The following GABRB3 variants were observed in gnomAD, a reference collection of about 807,000 sequenced individuals.
The protein encoded by GABRB3 is gamma-aminobutyric acid type A receptor subunit beta3.
GABRB3 carries 14 observed loss-of-function variants against 52.1 expected under a neutral mutation model. That is an observed-to-expected ratio of 0.27 (90% CI 0.18 to 0.42). GABRB3 has a LOEUF of 0.42. GABRB3 is among the 10% of genes least tolerant of loss of function. The pLI, the probability that GABRB3 is intolerant of heterozygous loss-of-function variation, is 1.00. For synonymous variants in GABRB3, 260 were observed against 232.3 expected (o/e 1.12, Z -1.08); for missense variants, 307 against 609.1 (o/e 0.50, Z 5.22).
At chr15:26,722,501 T>C (rs1889668144) in intron 3 of GABRB3, among the ~76,000 whole-genome samples, 1 of 152,202 alleles carries the variant, frequency 6.6e-6, no homozygotes, top group South Asian at 2.1e-4. Flanking sequence ...CTTCTCACCT[T>C]CATTTCTTCT....
chr15:26,672,176 G>A (rs1024125918), intron 3 of GABRB3, among the ~76,000 whole-genome samples: 2 of 152,126 alleles, frequency 1.3e-5, no homozygotes, highest in Non-Finnish European at 2.9e-5. Context: ...ATTATTTTGA[G>A]CTGAAGACAT....
chr15:26,640,856 G>A (rs1893181930), intron 3 of GABRB3, among the ~76,000 whole-genome samples: 1 of 152,192 alleles, frequency 6.6e-6, no homozygotes, highest in Non-Finnish European at 1.5e-5. Context: ...CATAACCAGA[G>A]ATGTCAATTC....
Position 26,545,248 on chromosome 15 carries a change from C to T in GABRB3, c.*2545G>A, listed in dbSNP as rs1300477904. 1 of 151,534 alleles carries T rather than the reference C, an allele frequency of 6.6e-6. No homozygotes were observed. The highest frequency in any genetic ancestry group is 1.9e-4 in the East Asian group (1 of 5,158). The allele number at this position is 151,534 out of a possible 1,614,324, so 9.4% of individuals were successfully genotyped here. A position where few individuals can be genotyped will look rare whatever the true frequency, so the allele number is the denominator to read the frequency against. Reference sequence around the variant, plus strand: ...GTTACAAACACTATTTATAGTATAGCTAATATGTTAACTTCATCGCAGTGT... The same window carrying T: ...GTTACAAACACTATTTATAGTATAGTTAATATGTTAACTTCATCGCAGTGT... On this transcript the variant is annotated 3_prime_UTR_variant, in exon 9 of 9. Coordinates refer to ENST00000311550, the MANE Select transcript of GABRB3 (RefSeq NM_000814.6).
intron 3 of GABRB3, among the ~76,000 whole-genome samples, chr15:26,704,747 C>T (rs1889044407): frequency 6.6e-6 from 1 of 152,170 alleles, no homozygotes; most frequent in South Asian, 2.1e-4. Flanking sequence ...TTCTTAGCTG[C>T]CTTATAACAA....
chr15:26,732,854 C>T (rs1186397132), intron 3 of GABRB3, among the ~76,000 whole-genome samples: 2 of 151,756 alleles, frequency 1.3e-5, no homozygotes, highest in African/African-American at 4.8e-5. Flanking sequence ...TTTAATTAGC[C>T]GGGAGTGGTG....
At chr15:26,766,149 T>C (rs369678977) in intron 3 of GABRB3, among the ~76,000 whole-genome samples, 2 of 152,246 alleles carry the variant, frequency 1.3e-5, no homozygotes, top group South Asian at 4.1e-4. Context: ...CACACCTCAT[T>C]ATGAATGACA....
intron 4 of GABRB3, among the ~76,000 whole-genome samples, chr15:26,597,370 T>A (rs1236515733): frequency 6.6e-6 from 1 of 152,162 alleles, no homozygotes; most frequent in Admixed American, 6.5e-5. Flanking sequence ...TTTACACACA[T>A]CTTGAAGGAA....
intron 3 of GABRB3, among the ~76,000 whole-genome samples, chr15:26,732,311 TG>T (rs1889947332): frequency 3.4e-5 from 5 of 146,734 alleles, no homozygotes; most frequent in African/African-American, 1.3e-4. Context: ...GATGGATGGA[TG>T]GATGGATGGA....
At chr15:26,563,921 A>G (rs1338827509) in intron 7 of GABRB3, among the ~76,000 whole-genome samples, 1 of 152,190 alleles carries the variant, frequency 6.6e-6, no homozygotes, top group East Asian at 1.9e-4. Flanking sequence ...ATGAAATAAA[A>G]ATATAATTTC....
chr15:26,634,973 T>A (rs928178430), intron 3 of GABRB3, among the ~76,000 whole-genome samples: 16 of 48,386 alleles, frequency 3.3e-4, no homozygotes, highest in South Asian at 1.2e-3. Flanking sequence ...GTAAGAGATA[T>A]ATGTATCTCT....
At chr15:26,742,921 A>C (rs1890246550) in intron 3 of GABRB3, among the ~76,000 whole-genome samples, 1 of 91,998 alleles carries the variant, frequency 1.1e-5, no homozygotes, top group African/African-American at 4.5e-5. Flanking sequence ...GCCATTAGAG[A>C]TTCTTTTTTT....
At chr15:26,639,340 T>TG (rs1555373270) in intron 3 of GABRB3, among the ~76,000 whole-genome samples, 11 of 114,852 alleles carry the variant, frequency 9.6e-5, no homozygotes, top group African/African-American at 2.7e-4. Context: ...GGAAAATATT[T>TG]GAAAAAAAAA....
At chr15:26,578,693 A>T (rs1890680523) in intron 6 of GABRB3, among the ~76,000 whole-genome samples, 1 of 152,194 alleles carries the variant, frequency 6.6e-6, no homozygotes, top group Non-Finnish European at 1.5e-5. Flanking sequence ...GCTCATGGCC[A>T]TTTCTGCAAC....
At chr15:26,773,701 G>C, upstream of GABRB3, 1 of 1,572,958 alleles carries the variant, frequency 6.4e-7, no homozygotes. Context: ...TGGGCAGCAG[G>C]AGCTCCAGGA....
chr15:26,605,990 G>A (rs1295164838), intron 4 of GABRB3, among the ~76,000 whole-genome samples: 1 of 152,112 alleles, frequency 6.6e-6, no homozygotes, highest in East Asian at 1.9e-4. Flanking sequence ...AGAACATGGG[G>A]AAGAGAGAGC....
At chr15:26,568,029 T>C (rs1386702715) in intron 6 of GABRB3, among the ~76,000 whole-genome samples, 4 of 152,256 alleles carry the variant, frequency 2.6e-5, no homozygotes, top group African/African-American at 9.6e-5. Flanking sequence ...TAATGCCAAA[T>C]ACCTTGTTTA....
chr15:26,628,724 C>CCAGCG (rs1207881262), intron 3 of GABRB3, among the ~76,000 whole-genome samples: 1 of 152,144 alleles, frequency 6.6e-6, no homozygotes, highest in Non-Finnish European at 1.5e-5. Flanking sequence ...AAAAAACCAA[C>CCAGCG]CAGCGCCACA....
chr15:26,604,211 G>A (rs532949280), intron 4 of GABRB3, among the ~76,000 whole-genome samples: 3 of 151,952 alleles, frequency 2.0e-5, no homozygotes, highest in Admixed American at 1.3e-4. Flanking sequence ...CTTAATCAAA[G>A]AAATGAAAGA....
intron 3 of GABRB3, among the ~76,000 whole-genome samples, chr15:26,653,206 C>T (rs1464333478): frequency 2.6e-5 from 4 of 152,172 alleles, no homozygotes; most frequent in Non-Finnish European, 5.9e-5. Context: ...CTTTGTAAAA[C>T]TAACAAATTC....
Sources: allele counts gnomAD v4.1 joint callset (sites outside exome capture counted in the v4.1 genomes callset), GRCh38; gene constraint gnomAD v4.1.1; transcripts MANE v1.5; gene names NCBI Gene and HGNC (gene_info 2026-07-23, HGNC 2026-07-21).